PRKAR1B: variants seen among roughly 807,000 people sequenced by gnomAD.
PRKAR1B encodes the protein protein kinase cAMP-dependent type I regulatory subunit beta.
Under a neutral mutation model 46.5 loss-of-function variants are expected in PRKAR1B, and 22 were observed. The observed-to-expected ratio is 0.47, with a 90% CI of 0.34 to 0.68. PRKAR1B has a LOEUF of 0.68. PRKAR1B is among the 30% of genes least tolerant of loss of function. PRKAR1B has a pLI of 0.01. For missense variants in PRKAR1B, 445 were observed against 535.6 expected (o/e 0.83, Z 1.67); for synonymous variants, 259 against 217.7 (o/e 1.19, Z -1.67).
chr7:565,997 T>G (rs567679404), intron 9 of PRKAR1B, among the ~76,000 whole-genome samples: 8 of 152,272 alleles, frequency 5.3e-5, no homozygotes, highest in African/African-American at 1.9e-4. Flanking sequence ...TCATGGAATT[T>G]TCCTCTCAGT....
chr7:681,219 C>T (rs1051506553), intron 2 of PRKAR1B, among the ~76,000 whole-genome samples: 3 of 151,786 alleles, frequency 2.0e-5, no homozygotes, highest in African/African-American at 7.3e-5. Flanking sequence ...TGAGGCCCCC[C>T]GAGCCATGCA....
intron 4 of PRKAR1B, among the ~76,000 whole-genome samples, chr7:656,306 A>G (rs768380518): frequency 7.2e-5 from 11 of 152,124 alleles, no homozygotes; most frequent in Non-Finnish European, 1.6e-4. Flanking sequence ...ACATGAGCTA[A>G]TGAATGAATG....
At chr7:720,569 A>C (rs889415665) in intron 1 of PRKAR1B, among the ~76,000 whole-genome samples, 1 of 152,178 alleles carries the variant, frequency 6.6e-6, no homozygotes, top group Non-Finnish European at 1.5e-5. Context: ...GCAGCTGCTG[A>C]GTTGGGGGCT....
At chr7:556,731 G>A (rs558916600) in intron 9 of PRKAR1B, among the ~76,000 whole-genome samples, 53 of 152,262 alleles carry the variant, frequency 3.5e-4, no homozygotes, top group Admixed American at 6.5e-4. Context: ...CCTCCGGCAC[G>A]TCGACCCTCC....
chr7:626,337 T>TC lies in PRKAR1B; in HGVS notation c.441-18886_441-18885insG, dbSNP rs200791967. Among the ~76,000 whole-genome samples, 624 of 152,062 alleles carry TC rather than the reference T, an allele frequency of 4.1e-3. 17 individuals are homozygous for TC. The highest frequency in any genetic ancestry group is 0.032 in the Admixed American group (493 of 15,260). On this transcript the variant is annotated intron_variant, in intron 4 of 10. Transcript: ENST00000537384. The stretch of plus-strand genomic sequence containing the variant: ...CAATACCTCATCTCTACTAAAAATT[T>TC]TAAAAAAATTAATCAGGCCTGGTGG...
chr7:677,169 C>G, intron 4 of PRKAR1B, 60 bp downstream of exon 4: 1 of 1,534,282 alleles, frequency 6.5e-7, no homozygotes, highest in Non-Finnish European at 9.0e-7. Context: ...GGGACCTGCC[C>G]ACCTCCCGGA....
At chr7:718,483 A>T (rs1011812081) in intron 1 of PRKAR1B, among the ~76,000 whole-genome samples, 4 of 151,624 alleles carry the variant, frequency 2.6e-5, no homozygotes, top group African/African-American at 7.3e-5. Flanking sequence ...CAGCCTCCCA[A>T]GTAGCTGGGA....
intron 7 of PRKAR1B, among the ~76,000 whole-genome samples, chr7:585,146 A>G (rs1164650935): frequency 2.0e-5 from 3 of 152,240 alleles, no homozygotes; most frequent in Non-Finnish European, 4.4e-5. Flanking sequence ...ATTAGAAATT[A>G]GAATTCATTC....
At chr7:565,894 G>A (rs1460643855) in intron 9 of PRKAR1B, among the ~76,000 whole-genome samples, 1 of 152,182 alleles carries the variant, frequency 6.6e-6, no homozygotes, top group Non-Finnish European at 1.5e-5. Context: ...AGGTTCTGGG[G>A]AGATTTAGGC....
At chr7:625,900 G>A (rs1325037930) in intron 4 of PRKAR1B, among the ~76,000 whole-genome samples, 4 of 151,472 alleles carry the variant, frequency 2.6e-5, no homozygotes, top group African/African-American at 7.3e-5. Flanking sequence ...CCCAGCTACT[G>A]GGGAGGCTGA....
chr7:645,485 T>C (rs1330435480), intron 4 of PRKAR1B, among the ~76,000 whole-genome samples: 1 of 152,066 alleles, frequency 6.6e-6, no homozygotes, highest in African/African-American at 2.4e-5. Context: ...ACCCTGTCTC[T>C]ACTAAAAATA....
intron 2 of PRKAR1B, chr7:696,577 A>G (rs927585856): frequency 1.3e-5 from 2 of 152,248 alleles, no homozygotes; most frequent in Admixed American, 6.5e-5. Context: ...CCCGGCCTCA[A>G]TGGGACTTAG....
intron 9 of PRKAR1B, among the ~76,000 whole-genome samples, chr7:563,940 G>A (rs951143542): frequency 2.6e-5 from 4 of 152,176 alleles, no homozygotes; most frequent in South Asian, 2.1e-4. Context: ...GGTGTGCATG[G>A]GTGCACACTG....
chr7:726,061 TAGCCAGTTTCTGCATGC>T (rs66479052), intron 1 of PRKAR1B, among the ~76,000 whole-genome samples: 144,847 of 151,230 alleles, frequency 0.96, 69,458 homozygotes, highest in East Asian at 1. Flanking sequence ...CAGTGTCCTT[TAGCCAGTTTCTGCATGC>T]AGCCAGTTTC....
chr7:652,436 A>G (rs1784959007), intron 4 of PRKAR1B, among the ~76,000 whole-genome samples: 1 of 149,814 alleles, frequency 6.7e-6, no homozygotes, highest in Admixed American at 6.6e-5. Context: ...CTCTCGGAAG[A>G]CAGTTCACAC....
At chr7:647,831 A>AAAAC (rs1784699490) in intron 4 of PRKAR1B, among the ~76,000 whole-genome samples, 1 of 147,182 alleles carries the variant, frequency 6.8e-6, no homozygotes, top group Admixed American at 6.8e-5. Context: ...AAAAAAAAAA[A>AAAAC]CCTCCTCGCA....
chr7:558,857 G>A lies in PRKAR1B; in HGVS notation c.892-7387C>T, dbSNP rs557845410. The stretch of plus-strand genomic sequence containing the variant: ...TCCCTTGTCACAGCCTCCCTTGCCC[G>A]GCCGTGAGCCTCCAACGCTTCGGCT... On this transcript the variant is annotated intron_variant, in intron 9 of 10. Coordinates refer to ENST00000537384, the MANE Select transcript of PRKAR1B (RefSeq NM_001164760.2). Among the ~76,000 whole-genome samples, 10 of 152,328 alleles carry A rather than the reference G, an allele frequency of 6.6e-5. 1 individual carries two copies. Among genetic ancestry groups the A allele is most frequent in the Admixed American group, 3.3e-4 (5 of 15,302 alleles).
In PRKAR1B at chr7:711,630, G is replaced by T. The variant is rs1166081409; in HGVS notation, c.-22-103C>A. 2.5e-5 allele frequency: 25 copies of T among 1,010,944 alleles called. 1 individual carries two copies. Among genetic ancestry groups the T allele is most frequent in the Non-Finnish European group, 3.6e-5 (25 of 695,218 alleles). The allele number at this position is 1,010,944 out of a possible 1,614,324, so 62.6% of individuals were successfully genotyped here. A position where few individuals can be genotyped will look rare whatever the true frequency, so the allele number is the denominator to read the frequency against. Reference sequence around the variant, plus strand: ...CCAGGCTTCTCCCAGGAGCGTGGAAGAAAGTCACTGATTCTGCATTTGTCA... The same window carrying T: ...CCAGGCTTCTCCCAGGAGCGTGGAATAAAGTCACTGATTCTGCATTTGTCA... On this transcript the variant is annotated intron_variant, in intron 1 of 10. Coordinates refer to ENST00000537384, the MANE Select transcript of PRKAR1B (RefSeq NM_001164760.2).
intron 9 of PRKAR1B, among the ~76,000 whole-genome samples, chr7:569,725 AG>A (rs1018192191): frequency 1.3e-5 from 2 of 152,162 alleles, no homozygotes; most frequent in Non-Finnish European, 2.9e-5. Context: ...CTCGCAGCCC[AG>A]GGGAGGGATG....
Sources: allele counts gnomAD v4.1 joint callset (sites outside exome capture counted in the v4.1 genomes callset), GRCh38; gene constraint gnomAD v4.1.1; transcripts MANE v1.5; gene names NCBI Gene and HGNC (gene_info 2026-07-23, HGNC 2026-07-21).